UGGT2: variants seen among roughly 807,000 people sequenced by gnomAD.
UGGT2 encodes UDP-glucose glycoprotein glucosyltransferase 2, also known as UDP-glucose:glycoprotein glucosyltransferase 2.
A neutral mutation model predicts 192.1 loss-of-function variants in UGGT2; 180 were observed. That is an observed-to-expected ratio of 0.94 (90% confidence interval 0.83 to 1.06). UGGT2 has a LOEUF of 1.06. Ranked by LOEUF, UGGT2 falls within the 50% of genes least tolerant of loss-of-function variation. UGGT2 has a pLI of 0.00. For synonymous variants in UGGT2, 580 were observed against 591.0 expected, an observed-to-expected ratio of 0.98 and a Z score of 0.27; for missense variants, 1,849 against 1,795.7, an observed-to-expected ratio of 1.03 and a Z score of -0.54.
At chr13:96,020,616 T>C (rs937715382) in intron 4 of UGGT2, among the ~76,000 whole-genome samples, 1 of 152,194 alleles carries the variant, frequency 6.6e-6, no homozygotes, top group Non-Finnish European at 1.5e-5. Flanking sequence ...TCAAGGAACA[T>C]GTGTCAGACT....
intron 13 of UGGT2, 86 bp from the exon 14 acceptor site, chr13:95,948,167 G>T: frequency 4.1e-6 from 4 of 966,758 alleles, no homozygotes; most frequent in Non-Finnish European, 4.5e-6. Context: ...GTGACTGAAA[G>T]TATGAAATTC....
chr13:95,930,776 G>A (rs372098073), intron 17 of UGGT2, among the ~76,000 whole-genome samples: 32 of 152,162 alleles, frequency 2.1e-4, no homozygotes, highest in African/African-American at 7.5e-4. Flanking sequence ...AGTTCTTAAA[G>A]ATGGAGTGTC....
At chr13:95,860,409 C>A (rs1341053559) in intron 32 of UGGT2, among the ~76,000 whole-genome samples, 10 of 148,230 alleles carry the variant, frequency 6.7e-5, no homozygotes, top group Non-Finnish European at 1.5e-4. Context: ...TATTTGCTAG[C>A]CTTGAAGAAA....
At chr13:95,935,858 G>A (rs546891287) in intron 17 of UGGT2, among the ~76,000 whole-genome samples, 7 of 152,150 alleles carry the variant, frequency 4.6e-5, no homozygotes, top group East Asian at 1.9e-4. Flanking sequence ...ACAGGGTCTC[G>A]CTCTGTCATC....
chr13:95,831,325 T>A (rs73556766), intron 38 of UGGT2, among the ~76,000 whole-genome samples: 1,751 of 152,206 alleles, frequency 0.012, 36 homozygotes, highest in African/African-American at 0.04. Flanking sequence ...CTTACTTATA[T>A]ACATATCTAT....
chr13:95,835,760 G>A (rs376738126), intron 37 of UGGT2, among the ~76,000 whole-genome samples: 1 of 152,026 alleles, frequency 6.6e-6, no homozygotes, highest in Non-Finnish European at 1.5e-5. Context: ...CTAAAGACAA[G>A]GTAGTAGTGG....
rs77105122 is a variant in UGGT2 at position 95,839,575 on chromosome 13, G to A, written c.4285-2373C>T. Among the ~76,000 whole-genome samples, 132 of 152,172 alleles carry A rather than the reference G, an allele frequency of 8.7e-4. No individual in the cohort carries two copies. In the East Asian group the frequency reaches 0.018, roughly 20 times the overall value. On this transcript the variant is annotated intron_variant, in intron 36 of 38. Coordinates refer to ENST00000376747, the MANE Select transcript of UGGT2 (RefSeq NM_020121.4). ...TTTGGGTTGTTTCCATTTTCCAGCT[G>A]TTATAAACAATGCTTCTATAAACAT...
chr13:96,010,934 G>GAAAA (rs1356810142), intron 5 of UGGT2, among the ~76,000 whole-genome samples: 1 of 152,136 alleles, frequency 6.6e-6, no homozygotes, highest in Non-Finnish European at 1.5e-5. Flanking sequence ...CAATGGCACA[G>GAAAA]AAAAGCAAAG....
chr13:95,874,837 G>A (rs1283172708), intron 29 of UGGT2, among the ~76,000 whole-genome samples: 2 of 152,092 alleles, frequency 1.3e-5, no homozygotes, highest in East Asian at 1.9e-4. Flanking sequence ...GACTACAGGT[G>A]TGAGCTACTG....
At chr13:95,917,893 C>T (rs2048728982) in intron 20 of UGGT2, among the ~76,000 whole-genome samples, 1 of 152,174 alleles carries the variant, frequency 6.6e-6, no homozygotes, top group Non-Finnish European at 1.5e-5. Flanking sequence ...AAAGCAAATT[C>T]TTAAGAGACC....
chr13:95,989,070 A>C (rs1425696576), intron 8 of UGGT2, among the ~76,000 whole-genome samples: 1 of 152,104 alleles, frequency 6.6e-6, no homozygotes, highest in African/African-American at 2.4e-5. Context: ...AGTGACTGCT[A>C]ATGAGGGTGT....
intron 1 of UGGT2, among the ~76,000 whole-genome samples, chr13:96,048,377 A>C (rs953362533): frequency 3.9e-5 from 6 of 152,222 alleles, no homozygotes; most frequent in African/African-American, 1.4e-4. Context: ...CCACAAGAGA[A>C]AGCAGGAAAG....
intron 38 of UGGT2, among the ~76,000 whole-genome samples, chr13:95,826,582 G>A (rs1465110216): frequency 6.6e-6 from 1 of 151,908 alleles, no homozygotes; most frequent in Non-Finnish European, 1.5e-5. Context: ...CCACCAGTAA[G>A]AAGATATTCT....
At chr13:95,863,440 T>C in intron 31 of UGGT2, 189 bp downstream of exon 31, 1 of 517,660 alleles carries the variant, frequency 1.9e-6, no homozygotes, top group Non-Finnish European at 3.4e-6. Flanking sequence ...TTGTATAGTA[T>C]TTTATTTTCA....
At chr13:95,937,657 T>C (rs1339715172) in intron 16 of UGGT2, among the ~76,000 whole-genome samples, 3 of 152,136 alleles carry the variant, frequency 2.0e-5, no homozygotes, top group Non-Finnish European at 4.4e-5. Flanking sequence ...TAGAAGACTC[T>C]ATGGGGCCCA....
At chr13:95,882,399 T>C (rs2047520182) in intron 27 of UGGT2, among the ~76,000 whole-genome samples, 1 of 152,210 alleles carries the variant, frequency 6.6e-6, no homozygotes, top group Admixed American at 6.5e-5. Context: ...AGTTAGTATA[T>C]GGTGGTAAAT....
chr13:95,989,042 G>A (rs2051377674), intron 8 of UGGT2, among the ~76,000 whole-genome samples: 2 of 152,054 alleles, frequency 1.3e-5, no homozygotes, highest in African/African-American at 4.8e-5. Context: ...CCTACAACTG[G>A]GGAGTTGGGA....
At chr13:95,936,220 T>C (rs1319135676) in intron 17 of UGGT2, among the ~76,000 whole-genome samples, 1 of 152,252 alleles carries the variant, frequency 6.6e-6, no homozygotes, top group Non-Finnish European at 1.5e-5. Flanking sequence ...GTCCAGTCTA[T>C]TGATAAAGCT....
At chr13:95,914,968 T>C (rs983068152) in intron 20 of UGGT2, among the ~76,000 whole-genome samples, 6 of 152,208 alleles carry the variant, frequency 3.9e-5, no homozygotes, top group East Asian at 1.9e-4. Context: ...ATGCAAAATA[T>C]TGATCTACAA....
Sources: gnomAD v4.1 joint callset for allele counts (sites outside exome capture counted in the v4.1 genomes callset) on GRCh38, gnomAD v4.1.1 for gene constraint, MANE v1.5 for transcripts, NCBI Gene and HGNC (gene_info 2026-07-23, HGNC 2026-07-21) for gene names.